The following DLGAP2 variants were observed in gnomAD, a reference collection of about 807,000 sequenced individuals.
DLGAP2 encodes the protein DLG associated protein 2.
In DLGAP2, 26 loss-of-function variants were observed where a neutral mutation model predicts 100.3. That is an observed-to-expected ratio of 0.26 (90% CI 0.19 to 0.36). The LOEUF (loss-of-function observed/expected upper bound fraction) is 0.36. Ranked by LOEUF, DLGAP2 falls within the 10% of genes least tolerant of loss-of-function variation. DLGAP2 has a pLI of 1.00. For synonymous variants in DLGAP2, 886 were observed against 630.1 expected (o/e 1.41, Z -6.08); for missense variants, 1,858 against 1,453.2 (o/e 1.28, Z -4.53).
At chr8:1,594,980 G>A (rs569906315) in intron 6 of DLGAP2, among the ~76,000 whole-genome samples, 54 of 152,056 alleles carry the variant, frequency 3.6e-4, no homozygotes, top group African/African-American at 7.0e-4. Flanking sequence ...CTGGCCTCCC[G>A]CTTCCCATCT....
intron 2 of DLGAP2, among the ~76,000 whole-genome samples, chr8:929,952 A>AT (rs1798917644): frequency 1.3e-5 from 2 of 151,652 alleles, no homozygotes; most frequent in Admixed American, 1.3e-4. Flanking sequence ...AGAAATGTGT[A>AT]TTTTTTTCTT....
chr8:937,745 G>C (rs1799104300), intron 2 of DLGAP2, among the ~76,000 whole-genome samples: 1 of 152,210 alleles, frequency 6.6e-6, no homozygotes, highest in Non-Finnish European at 1.5e-5. Context: ...AGGGAATCTG[G>C]TGTTGTCTGC....
At chr8:1,316,012 A>C (rs1360165197) in intron 3 of DLGAP2, among the ~76,000 whole-genome samples, 22 of 130,380 alleles carry the variant, frequency 1.7e-4, no homozygotes, top group East Asian at 4.4e-4. Flanking sequence ...GCGTCTCTCC[A>C]ACAGTGGTCT....
intron 3 of DLGAP2, among the ~76,000 whole-genome samples, chr8:1,295,581 C>T (rs1800152842): frequency 6.6e-6 from 1 of 152,222 alleles, no homozygotes; most frequent in Admixed American, 6.5e-5. Context: ...CTGGAAACAG[C>T]TCTCCACAAA....
At chr8:1,455,743 G>T (rs562138949) in intron 3 of DLGAP2, among the ~76,000 whole-genome samples, 15 of 152,276 alleles carry the variant, frequency 9.9e-5, no homozygotes, top group African/African-American at 3.4e-4. Context: ...TCCTCCAGAG[G>T]CACTTCCTGA....
intron 3 of DLGAP2, among the ~76,000 whole-genome samples, chr8:1,342,431 G>A (rs987809104): frequency 2.0e-5 from 3 of 152,238 alleles, no homozygotes; most frequent in South Asian, 4.2e-4. Flanking sequence ...ACATAGTGTT[G>A]ACCCACTCTG....
chr8:1,666,790 G>A (rs967332185), intron 8 of DLGAP2, among the ~76,000 whole-genome samples: 5 of 152,238 alleles, frequency 3.3e-5, no homozygotes, highest in Middle Eastern at 6.8e-3. Context: ...TTGTTAACTC[G>A]GGATGACATT....
chr8:799,233 C>T (rs911836462), intron 1 of DLGAP2, among the ~76,000 whole-genome samples: 4 of 152,194 alleles, frequency 2.6e-5, no homozygotes, highest in South Asian at 2.1e-4. Flanking sequence ...CTCCTTCCCT[C>T]GTCAGCACCG....
At chr8:750,146 G>A (rs1415398944) in intron 1 of DLGAP2, among the ~76,000 whole-genome samples, 1 of 152,230 alleles carries the variant, frequency 6.6e-6, no homozygotes, top group Non-Finnish European at 1.5e-5. Flanking sequence ...GGTCTCCCTA[G>A]GGCCGGTTAG....
chr8:1,492,057 A>G (rs1285170912), intron 3 of DLGAP2, among the ~76,000 whole-genome samples: 2 of 152,212 alleles, frequency 1.3e-5, no homozygotes, highest in African/African-American at 4.8e-5. Flanking sequence ...GGGTTGCTTC[A>G]TTAGTGACTT....
Position 802,043 on chromosome 8 carries a change from C to T in DLGAP2, c.18+64218C>T, listed in dbSNP as rs200979509. On this transcript the variant is annotated intron_variant, in intron 1 of 14. Coordinates refer to ENST00000637795, the MANE Select transcript of DLGAP2 (RefSeq NM_001346810.2). ...ACCCCTCCTGGGCCCTCCATCCTCA[C>T]GGCCTGGGGAACAGTCTGCACCCCT... Among the ~76,000 whole-genome samples the T allele has an allele frequency of 5.1e-3, 693 of 135,406 alleles. 2 individuals carry two copies. Among genetic ancestry groups the T allele is most frequent in the East Asian group, 7.8e-3 (32 of 4,122 alleles). 88.8% of individuals were successfully genotyped at this position (135,406 alleles called of 152,430 possible). A position where few individuals can be genotyped will look rare whatever the true frequency, so the allele number is the denominator to read the frequency against.
chr8:870,037 A>G (rs1797568468), intron 1 of DLGAP2, among the ~76,000 whole-genome samples: 1 of 152,102 alleles, frequency 6.6e-6, no homozygotes, highest in Non-Finnish European at 1.5e-5. Flanking sequence ...TTGAGACTTA[A>G]AGTCAAATTC....
At chr8:1,367,334 T>A (rs930243353) in intron 3 of DLGAP2, among the ~76,000 whole-genome samples, 2 of 152,234 alleles carry the variant, frequency 1.3e-5, no homozygotes, top group African/African-American at 4.8e-5. Flanking sequence ...TGGATTCTCC[T>A]TTTCATCTCA....
chr8:816,960 G>A (rs1472987681), intron 1 of DLGAP2, among the ~76,000 whole-genome samples: 1 of 152,132 alleles, frequency 6.6e-6, no homozygotes, highest in Non-Finnish European at 1.5e-5. Flanking sequence ...CTAACACGGT[G>A]AAACCCTGTC....
At chr8:863,030 G>A (rs947562529) in intron 1 of DLGAP2, among the ~76,000 whole-genome samples, 1 of 152,138 alleles carries the variant, frequency 6.6e-6, no homozygotes, top group Non-Finnish European at 1.5e-5. Flanking sequence ...TGGATTTCAG[G>A]GACATGCTGT....
intron 8 of DLGAP2, among the ~76,000 whole-genome samples, chr8:1,652,321 C>G (rs1000258276): frequency 6.6e-6 from 1 of 152,204 alleles, no homozygotes; most frequent in African/African-American, 2.4e-5. Context: ...TTGTGAGTCT[C>G]TCCCCTGGCT....
chr8:1,188,949 G>A (rs1245114428), intron 2 of DLGAP2, among the ~76,000 whole-genome samples: 1 of 151,972 alleles, frequency 6.6e-6, no homozygotes, highest in African/African-American at 2.4e-5. Context: ...CCGGTTCCGC[G>A]GTTGGGGTTG....
chr8:921,172 A>G (rs1010966832), intron 2 of DLGAP2, among the ~76,000 whole-genome samples: 2 of 151,814 alleles, frequency 1.3e-5, no homozygotes, highest in Admixed American at 6.6e-5. Context: ...TTTTTTGTTT[A>G]TAGTCCTAGG....
chr8:1,289,389 A>T (rs1454887274), intron 3 of DLGAP2, among the ~76,000 whole-genome samples: 1 of 152,202 alleles, frequency 6.6e-6, no homozygotes, highest in Admixed American at 6.5e-5. Context: ...TGCCACCTCA[A>T]TTCCACTGTT....
Sources: allele counts gnomAD v4.1 joint callset (sites outside exome capture counted in the v4.1 genomes callset), GRCh38; gene constraint gnomAD v4.1.1; transcripts MANE v1.5; gene names NCBI Gene and HGNC (gene_info 2026-07-23, HGNC 2026-07-21).